The following PLA2G4F variants were observed in gnomAD, a reference collection of about 807,000 sequenced individuals.
The protein encoded by PLA2G4F is cytosolic phospholipase A2 zeta.
Under a neutral mutation model 103.1 loss-of-function variants are expected in PLA2G4F, and 105 were observed. The ratio of observed to expected loss-of-function variants is 1.02; its 90% CI spans 0.87 to 1.20. The LOEUF is 1.20. PLA2G4F is among the 50% of genes most tolerant of loss of function. The pLI is 0.00. For missense variants in PLA2G4F, 1,155 were observed against 1,075.9 expected (o/e 1.07, Z -1.03); for synonymous variants, 468 against 441.1 (o/e 1.06, Z -0.76).
chr15:42,145,719 C>T (rs1381671673), intron 15 of PLA2G4F, 37 bp from the exon 16 acceptor site: 1 of 1,613,452 alleles, frequency 6.2e-7, no homozygotes, highest in Non-Finnish European at 8.5e-7. Flanking sequence ...CACGTCAGGG[C>T]CTGGCCCCGG....
At position 42,140,525 on chromosome 15, in the gene PLA2G4F, G is replaced by C. The variant is rs559738116; in HGVS notation, c.*1459C>G. Reference sequence around the variant, plus strand: ...GGCCTGTGACAGGCAGCCATGGTGAGGAGGCAGAGGAGAACTGAGGTGTCC... The same window carrying C: ...GGCCTGTGACAGGCAGCCATGGTGACGAGGCAGAGGAGAACTGAGGTGTCC... On this transcript the variant is annotated 3_prime_UTR_variant, in exon 20 of 20. Transcript: ENST00000397272. 6.6e-6 allele frequency: 1 copy of C among 152,380 alleles called. No individual in the cohort carries two copies. The highest frequency in any genetic ancestry group is 2.4e-5 in the African/African-American group (1 of 41,556). 9.4% of individuals were successfully genotyped at this position (152,380 alleles called of 1,614,324 possible).
chr15:42,145,668 CGCT>C lies in PLA2G4F; in HGVS notation c.1684_1686del (p.Ser562del). ...ATCTCATCCAGGCTGGTGGCAAAGGCGCTGCCCCACATACCTAAGGAGACAGGC... is the reference window on the plus strand; with the variant it reads ...ATCTCATCCAGGCTGGTGGCAAAGGCGCCCCACATACCTAAGGAGACAGGC... On this transcript the variant is annotated inframe_deletion, in exon 16 of 20. Transcript: ENST00000397272. The C allele has an allele frequency of 6.2e-7, 1 of 1,614,078 alleles. No individual in the cohort carries two copies. Among genetic ancestry groups the C allele is most frequent in the Non-Finnish European group, 8.5e-7 (1 of 1,180,008 alleles).
chr15:42,149,406 A>G (rs2048928996), intron 11 of PLA2G4F: 1 of 850,338 alleles, frequency 1.2e-6, no homozygotes, highest in Non-Finnish European at 1.4e-6. Context: ...CCCAGCAGAA[A>G]CCAACCCTGA....
At chr15:42,155,107 A>C (rs1332246943) in intron 2 of PLA2G4F, among the ~76,000 whole-genome samples, 3 of 151,438 alleles carry the variant, frequency 2.0e-5, no homozygotes, top group African/African-American at 7.3e-5. Context: ...ACACATACAC[A>C]CTCACGTTCA....
intron 6 of PLA2G4F, 36 bp from the exon 7 acceptor site, chr15:42,152,790 C>A: frequency 6.5e-7 from 1 of 1,543,880 alleles, no homozygotes; most frequent in South Asian, 1.2e-5. Context: ...GCCAGACAGC[C>A]CACGGCCCCA....
intron 13 of PLA2G4F, chr15:42,146,915 G>A (rs890050384): frequency 1.1e-4 from 62 of 576,600 alleles, no homozygotes; most frequent in South Asian, 9.6e-4. Flanking sequence ...TGAGCGCTGC[G>A]GACCAGGCTC....
rs1267304684 is a variant in PLA2G4F, at chr15:42,147,316, G to A, written c.1227C>T (p.Ala409=). The change falls in exon 13 of 20, where the codon GCC becomes GCT. Residue 409 remains alanine (A), a synonymous_variant. Transcript: ENST00000397272. ...WCISTLYRDP[A]WSQVALQGPI... ...GGCCCTGCAAGGCCACCTGGGACCA[G>A]GCTGGGTCCCTGTAGAGTGTGGAGA... 1.9e-6 allele frequency: 3 copies of A among 1,609,270 alleles called. No individual in the cohort carries two copies. The highest frequency in any genetic ancestry group is 2.2e-5 in the South Asian group (2 of 90,994).
chr15:42,150,943 T>C (rs2140812051), intron 7 of PLA2G4F, 166 bp from the exon 8 acceptor site: 11 of 985,400 alleles, frequency 1.1e-5, no homozygotes, highest in Non-Finnish European at 1.3e-5. Context: ...AGAAAGCCTC[T>C]GGAAGGACTC....
chr15:42,156,550 G>T lies in PLA2G4F; in HGVS notation c.-1C>A, dbSNP rs1392947717. 1 of 1,545,348 alleles carries T rather than the reference G, an allele frequency of 6.5e-7. No individual in the cohort carries two copies. The highest frequency in any genetic ancestry group is 1.2e-5 in the South Asian group (1 of 83,588). On this transcript the variant is annotated 5_prime_UTR_variant, in exon 1 of 20. Transcript: ENST00000397272. ...ACCTTGGCCAGAGTGCCCAAAGCAT[G>T]GCTGGGCAGCCCGGGCCCCAGCAGG...
chr15:42,153,092 TGTGGGA>T (rs1022757705), intron 6 of PLA2G4F, among the ~76,000 whole-genome samples: 13 of 152,182 alleles, frequency 8.5e-5, no homozygotes, highest in Non-Finnish European at 5.9e-5. Context: ...TAACGTGCTG[TGTGGGA>T]GTAGGAGGCT....
Position 42,141,594 on chromosome 15 carries a change from C to T in PLA2G4F, c.*390G>A. On this transcript the variant is annotated 3_prime_UTR_variant, in exon 20 of 20. Coordinates refer to ENST00000397272, the MANE Select transcript of PLA2G4F (RefSeq NM_213600.4). ...TTCCATCTCAGTGTAAGGAGGACAG[C>T]TGGCTTCTCAGTGCCCTCAGCCCCT... The T allele has an allele frequency of 2.1e-6, 1 of 467,474 alleles. No homozygotes were observed. Among genetic ancestry groups the T allele is most frequent in the Non-Finnish European group, 4.3e-6 (1 of 235,228 alleles). 29.0% of individuals were successfully genotyped at this position (467,474 alleles called of 1,614,324 possible). A position where few individuals can be genotyped will look rare whatever the true frequency, so the allele number is the denominator to read the frequency against.
At chr15:42,153,893 C>T (rs1309465659) in intron 4 of PLA2G4F, among the ~76,000 whole-genome samples, 199 bp downstream of exon 4, 2 of 152,268 alleles carry the variant, frequency 1.3e-5, no homozygotes, top group African/African-American at 4.8e-5. Context: ...AGGGAACACA[C>T]AGCCCTCAAG....
At chr15:42,155,383 C>T in intron 2 of PLA2G4F, 134 bp downstream of exon 2, 3 of 859,630 alleles carry the variant, frequency 3.5e-6, no homozygotes, top group East Asian at 2.7e-5. Context: ...CACATGTATA[C>T]ACACATGCAC....
Position 42,140,927 on chromosome 15 carries a change from C to T in PLA2G4F, c.*1057G>A, listed in dbSNP as rs1281777015. On this transcript the variant is annotated 3_prime_UTR_variant, in exon 20 of 20. Transcript: ENST00000397272. ...TGGCCAGAACGGGATCTCCTCTTCA[C>T]GAATCTGAGGGCTGCCCACACTAGA... The T allele has an allele frequency of 1.8e-5, 5 of 275,264 alleles. No homozygotes were observed. The highest frequency in any genetic ancestry group is 8.3e-5 in the East Asian group (1 of 12,106). The allele number at this position is 275,264 out of a possible 1,614,324, so 17.1% of individuals were successfully genotyped here. A position where few individuals can be genotyped will look rare whatever the true frequency, so the allele number is the denominator to read the frequency against.
chr15:42,144,424 C>A lies in PLA2G4F; in HGVS notation c.1975+26G>T, dbSNP rs763483161. On this transcript the variant is annotated intron_variant, in intron 17 of 19. Coordinates refer to ENST00000397272, the MANE Select transcript of PLA2G4F (RefSeq NM_213600.4). Reference sequence around the variant, plus strand: ...GGTGCAGGCAGGAAGGGAAGCCCCCCATCTCCCACCCAAGGCAGCACCCAC... The same window carrying A: ...GGTGCAGGCAGGAAGGGAAGCCCCCAATCTCCCACCCAAGGCAGCACCCAC... 7 of 1,610,070 alleles carry A rather than the reference C, an allele frequency of 4.3e-6. No individual in the cohort carries two copies. In the South Asian group the frequency reaches 6.6e-5, roughly 15 times the overall value.
At chr15:42,156,030 G>A (rs2140819584) in intron 1 of PLA2G4F, among the ~76,000 whole-genome samples, 1 of 152,286 alleles carries the variant, frequency 6.6e-6, no homozygotes, top group South Asian at 2.1e-4. Context: ...GCAGCGAGCA[G>A]GTGAGCGGAA....
chr15:42,156,320 T>C, intron 1 of PLA2G4F, 119 bp downstream of exon 1: 1 of 705,662 alleles, frequency 1.4e-6, no homozygotes. Context: ...TCATCTAGAA[T>C]AAACAGGTCC....
intron 7 of PLA2G4F, chr15:42,151,567 A>G (rs1490827467): frequency 6.1e-6 from 6 of 985,270 alleles, no homozygotes; most frequent in Non-Finnish European, 7.2e-6. Context: ...AGGACAGCAG[A>G]CACTGAGGGA....
At chr15:42,147,986 C>G (rs993938321) in intron 11 of PLA2G4F, among the ~76,000 whole-genome samples, 1 of 152,034 alleles carries the variant, frequency 6.6e-6, no homozygotes, top group Non-Finnish European at 1.5e-5. Flanking sequence ...GTCAGGAGAT[C>G]GAGACCACGG....
Sources: gnomAD v4.1 joint callset for allele counts (sites outside exome capture counted in the v4.1 genomes callset) on GRCh38, gnomAD v4.1.1 for gene constraint, MANE v1.5 for transcripts, NCBI Gene and HGNC (gene_info 2026-07-23, HGNC 2026-07-21) for gene names.